Variants in AMMECR1 observed in about 807,000 individuals in gnomAD.
The protein encoded by AMMECR1 is nuclear protein AMMECR1.
Under a neutral mutation model 22.5 loss-of-function variants are expected in AMMECR1, and 3 were observed. The ratio of observed to expected loss-of-function variants is 0.13; its 90% CI spans 0.06 to 0.35. The LOEUF is 0.35. AMMECR1 is among the 10% of genes least tolerant of loss of function. The pLI, the probability that AMMECR1 is intolerant of heterozygous loss-of-function variation, is 1.00. For synonymous variants in AMMECR1, 130 were observed against 116.7 expected (o/e 1.11, Z -0.74); for missense variants, 235 against 278.7 (o/e 0.84, Z 1.12).
intron 2 of AMMECR1, among the ~76,000 whole-genome samples, chrX:110,367,049 C>A (rs2068301784): frequency 8.9e-6 from 1 of 111,962 alleles, no homozygotes; most frequent in Admixed American, 9.5e-5. Flanking sequence ...TAAACTCTGC[C>A]TTCCCTCTTG....
intron 2 of AMMECR1, among the ~76,000 whole-genome samples, chrX:110,343,832 T>C (rs746208714): frequency 4.5e-5 from 5 of 110,326 alleles, no homozygotes; most frequent in African/African-American, 1.7e-4. Flanking sequence ...CACTGCTCAA[T>C]GAAATAAAAG....
At chrX:110,205,578 G>A (rs1241855085) in intron 3 of AMMECR1, among the ~76,000 whole-genome samples, 2 of 111,447 alleles carry the variant, frequency 1.8e-5, no homozygotes, top group Non-Finnish European at 3.8e-5. Flanking sequence ...CAGCATGTGG[G>A]AATACTATGT....
intron 1 of AMMECR1, among the ~76,000 whole-genome samples, chrX:110,297,522 TTTGGATCTGGGGAAAGGTTGA>T (rs1211494430): frequency 9.0e-6 from 1 of 111,427 alleles, no homozygotes. Flanking sequence ...CCAGAGATAT[TTTGGATCTGGGGAAAGGTTGA>T]TTGGATTAGG....
chrX:110,338,142 G>A (rs2068148076), intron 2 of AMMECR1, among the ~76,000 whole-genome samples: 1 of 112,038 alleles, frequency 8.9e-6, no homozygotes, highest in South Asian at 3.7e-4. Flanking sequence ...GGAGATGGAT[G>A]GTGGTGATGG....
At chrX:110,226,585 C>T (rs2067534663) in intron 2 of AMMECR1, among the ~76,000 whole-genome samples, 2 of 110,596 alleles carry the variant, frequency 1.8e-5, no homozygotes. Context: ...CCAGCCCAGG[C>T]AACAAAGTGA....
chrX:110,416,811 C>A (rs1457663856), intron 2 of AMMECR1, among the ~76,000 whole-genome samples: 1 of 112,068 alleles, frequency 8.9e-6, no homozygotes, highest in Non-Finnish European at 1.9e-5. Context: ...GGCAAGGTGG[C>A]CCAGTGGTTA....
intron 3 of AMMECR1, among the ~76,000 whole-genome samples, chrX:110,204,318 G>A (rs369100429): frequency 9.0e-6 from 1 of 111,063 alleles, no homozygotes; most frequent in African/African-American, 3.3e-5. Context: ...TCAAAAACCC[G>A]TCATGTTAAA....
intron 2 of AMMECR1, among the ~76,000 whole-genome samples, chrX:110,324,007 ATT>A (rs754004526): frequency 1.0e-5 from 1 of 98,936 alleles, no homozygotes; most frequent in Non-Finnish European, 2.1e-5. Flanking sequence ...TGTTCATTGT[ATT>A]TTTTTTTTTT....
At chrX:110,250,392 G>C (rs1378674583) in intron 2 of AMMECR1, among the ~76,000 whole-genome samples, 1 of 111,637 alleles carries the variant, frequency 9.0e-6, no homozygotes, top group Non-Finnish European at 1.9e-5. Context: ...GAAGTCTAAG[G>C]TAGACTGTGA....
Position 110,197,312 on chromosome X carries a change from C to CCTGT in AMMECR1, c.*1207_*1208insACAG, listed in dbSNP as rs1465622097. The CCTGT allele has an allele frequency of 4.5e-5, 5 of 112,078 alleles. No individual in the cohort carries two copies. The Admixed American group carries it at 4.7e-4, about 11-fold the overall frequency. 9.2% of individuals were successfully genotyped at this position (112,078 alleles called of 1,213,427 possible). ...TATCTCTAAAACTCTAATATTGTCC[C>CCTGT]CATGACAAACATATCTGAAATCATG... On this transcript the variant is annotated 3_prime_UTR_variant, in exon 6 of 6. Transcript: ENST00000262844.
chrX:110,217,802 CT>C (rs1287462026), intron 2 of AMMECR1, among the ~76,000 whole-genome samples: 1 of 111,137 alleles, frequency 9.0e-6, no homozygotes, highest in Non-Finnish European at 1.9e-5. Flanking sequence ...GACTTTCTCA[CT>C]GCTGAATTTT....
chrX:110,253,989 C>T (rs2067697961), intron 2 of AMMECR1, among the ~76,000 whole-genome samples: 1 of 111,607 alleles, frequency 9.0e-6, no homozygotes, highest in Admixed American at 9.5e-5. Context: ...TTATTCACCT[C>T]ACCGTTAATA....
At position 110,195,315 on chromosome X, in the gene AMMECR1, G is replaced by A. The variant is rs780370871; in HGVS notation, c.*3205C>T. On this transcript the variant is annotated 3_prime_UTR_variant, in exon 6 of 6. Transcript: ENST00000262844. ...CAATTTCACTGACCTCTCGTGTTAG[G>A]GGAGACTACAGAGGGTAGTAGCACA... is the stretch of plus-strand genomic sequence containing the variant. 8 of 111,595 alleles carry A rather than the reference G, an allele frequency of 7.2e-5. No individual in the cohort carries two copies. The South Asian group carries it at 3.0e-3, about 42-fold the overall frequency. 9.2% of individuals were successfully genotyped at this position (111,595 alleles called of 1,213,427 possible).
intron 2 of AMMECR1, among the ~76,000 whole-genome samples, chrX:110,240,514 C>T (rs2067626380): frequency 9.5e-6 from 1 of 104,846 alleles, no homozygotes; most frequent in African/African-American, 3.5e-5. Context: ...GGGATCAATG[C>T]AACAAGAAGA....
chrX:110,373,830 A>G (rs1469059121), intron 2 of AMMECR1, among the ~76,000 whole-genome samples: 2 of 111,273 alleles, frequency 1.8e-5, no homozygotes, highest in African/African-American at 6.5e-5. Flanking sequence ...AATATAGAAA[A>G]TATGGGATGA....
intron 2 of AMMECR1, among the ~76,000 whole-genome samples, chrX:110,394,659 G>T (rs185848366): frequency 1.3e-4 from 15 of 112,947 alleles, no homozygotes; most frequent in Admixed American, 1.3e-3. Flanking sequence ...AGAGACAGCA[G>T]AGAGCAAAGG....
intron 2 of AMMECR1, among the ~76,000 whole-genome samples, chrX:110,378,085 C>T (rs771979858): frequency 1.9e-5 from 2 of 106,625 alleles, no homozygotes; most frequent in Non-Finnish European, 3.8e-5. Context: ...CTTCAAGATT[C>T]TGATTTCCTT....
chrX:110,223,143 G>A (rs1478630947), intron 2 of AMMECR1, among the ~76,000 whole-genome samples: 1 of 111,425 alleles, frequency 9.0e-6, no homozygotes, highest in East Asian at 2.8e-4. Context: ...AGCTAAAACT[G>A]GAAAATAAAA....
intron 2 of AMMECR1, among the ~76,000 whole-genome samples, chrX:110,425,263 G>A (rs1027845143): frequency 8.9e-6 from 1 of 112,733 alleles, no homozygotes; most frequent in Non-Finnish European, 1.9e-5. Flanking sequence ...AACCAAGGGA[G>A]TTAATGATGG....
Sources: allele counts gnomAD v4.1 joint callset (sites outside exome capture counted in the v4.1 genomes callset), GRCh38; gene constraint gnomAD v4.1.1; transcripts MANE v1.5; gene names NCBI Gene and HGNC (gene_info 2026-07-23, HGNC 2026-07-21).